The following NUP98 variants were observed in gnomAD, a reference collection of about 807,000 sequenced individuals.
The protein encoded by NUP98 is nucleoporin 98 and 96 precursor.
In NUP98, 26 loss-of-function variants were observed where a neutral mutation model predicts 191.9. The ratio of observed to expected loss-of-function variants is 0.14; its 90% confidence interval spans 0.10 to 0.19. NUP98 has a LOEUF of 0.19. Ranked by LOEUF, NUP98 falls within the 10% of genes least tolerant of loss-of-function variation. NUP98 has a pLI of 1.00. For missense variants in NUP98, 1,941 were observed against 2,178.8 expected, an observed-to-expected ratio of 0.89 and a Z score of 2.17; for synonymous variants, 808 against 778.4, an observed-to-expected ratio of 1.04 and a Z score of -0.63.
At chr11:3,778,398 A>T (rs2081831756) in intron 4 of NUP98, among the ~76,000 whole-genome samples, 1 of 152,158 alleles carries the variant, frequency 6.6e-6, no homozygotes, top group Admixed American at 6.6e-5. Flanking sequence ...TCATCAACTA[A>T]AAACATCTGC....
In NUP98 at chr11:3,691,285, C is replaced by T. The variant is rs144653304; in HGVS notation, c.4454+62G>A. The stretch of plus-strand genomic sequence containing the variant: ...GACATATAAAAGGGAAAGGACGCAG[C>T]AAAGGACTCCCCTGGGGCTCATGGA... On this transcript the variant is annotated intron_variant, in intron 28 of 32. Coordinates refer to ENST00000324932, the MANE Select transcript of NUP98 (RefSeq NM_016320.5). The T allele has an allele frequency of 4.7e-4, 744 of 1,597,260 alleles. 6 individuals carry two copies. The African/African-American group carries it at 9.1e-3, about 20-fold the overall frequency.
chr11:3,742,699 CAA>C (rs35895691), intron 12 of NUP98, among the ~76,000 whole-genome samples: 1,978 of 82,916 alleles, frequency 0.024, 47 homozygotes, highest in African/African-American at 0.081. Context: ...ACTCTGTCTC[CAA>C]AAAAAAAAAA....
At chr11:3,764,748 T>G (rs2081282209) in intron 8 of NUP98, among the ~76,000 whole-genome samples, 1 of 152,164 alleles carries the variant, frequency 6.6e-6, no homozygotes, top group Non-Finnish European at 1.5e-5. Context: ...CCGGCTAATT[T>G]TTTGTATTTT....
At chr11:3,790,323 G>T (rs971822554) in intron 1 of NUP98, among the ~76,000 whole-genome samples, 1 of 152,144 alleles carries the variant, frequency 6.6e-6, no homozygotes, top group East Asian at 1.9e-4. Flanking sequence ...AAGCTGCTCT[G>T]GCTGAAGTGA....
In NUP98 at chr11:3,705,343, G is replaced by A. The variant is rs766794941; in HGVS notation, c.2939C>T (p.Ser980Leu). 3.7e-6 allele frequency: 6 copies of A among 1,614,070 alleles called. No homozygotes were observed. The highest frequency in any genetic ancestry group is 5.1e-6 in the Non-Finnish European group (6 of 1,179,966). Reference protein sequence around the residue: ...NPHVLQIMKASLLTDEEDVDM... With the variant: ...NPHVLQIMKALLLTDEEDVDM... ...TACATCTTCTTCATCAGTAAGCAAT[G>A]ATGCTTTCATGATCTAAAAAGGCAA... The change falls in exon 22 of 33, where the codon TCA (serine) becomes TTA (leucine). Residue 980 changes from serine (S) to leucine (L), a missense_variant. Transcript: ENST00000324932.
rs1337559114 is a variant in NUP98 at position 3,753,308 on chromosome 11, T to C, written c.1267+8A>G. ...CACTTCCTAGATCTCATGGTAGCAG[T>C]TTCTTACCTGTTCCAAATCCTGCAC... On this transcript the variant is annotated splice_region_variant and intron_variant, in intron 11 of 32. Transcript: ENST00000324932. The C allele has an allele frequency of 1.2e-6, 2 of 1,610,946 alleles. No homozygotes were observed. The highest frequency in any genetic ancestry group is 2.7e-5 in the African/African-American group (2 of 74,964).
intron 20 of NUP98, chr11:3,711,923 G>GT: frequency 9.6e-7 from 1 of 1,039,710 alleles, no homozygotes; most frequent in Non-Finnish European, 1.2e-6. Flanking sequence ...CAAAGGTCTA[G>GT]CTTTCAGCAG....
At chr11:3,781,769 T>C (rs749441704) in intron 2 of NUP98, among the ~76,000 whole-genome samples, 3 of 152,090 alleles carry the variant, frequency 2.0e-5, no homozygotes, top group Non-Finnish European at 2.9e-5. Context: ...GTCTGAAAAT[T>C]AGTAACAAAT....
At chr11:3,775,253 G>C (rs566002909) in intron 5 of NUP98, among the ~76,000 whole-genome samples, 19 of 152,198 alleles carry the variant, frequency 1.2e-4, no homozygotes, top group African/African-American at 4.6e-4. Flanking sequence ...GACCAGGCCG[G>C]GCATGGTGGC....
At chr11:3,729,581 G>A (rs1171152613) in intron 14 of NUP98, among the ~76,000 whole-genome samples, 1 of 148,530 alleles carries the variant, frequency 6.7e-6, no homozygotes, top group African/African-American at 2.5e-5. Context: ...ACTGGGCATG[G>A]TGGTGTGGGC....
Position 3,723,431 on chromosome 11 carries a change from A to G in NUP98, c.1872T>C (p.Val624=), listed in dbSNP as rs752216097. 1 of 1,614,056 alleles carries G rather than the reference A, an allele frequency of 6.2e-7. No homozygotes were observed. Among genetic ancestry groups the G allele is most frequent in the Admixed American group, 1.7e-5 (1 of 60,000 alleles). ...GERFSFLSKP[V]DENHQQDGDE... is the part of the protein sequence containing the mutation. ...CTCCATCCTGCTGGTGATTCTCATC[A>G]ACAGGTTTGCTTAGGAAACTAAATC... Residue 624 remains valine, a synonymous_variant, in exon 16 of 33, where the codon GTT becomes GTC. Coordinates refer to ENST00000324932, the MANE Select transcript of NUP98 (RefSeq NM_016320.5).
rs746909084 is a variant in NUP98, at chr11:3,675,682, A to C, written c.*477T>G. The C allele has an allele frequency of 2.5e-5, 6 of 242,946 alleles. No homozygotes were observed. The highest frequency in any genetic ancestry group is 6.6e-5 in the African/African-American group (3 of 45,356). The allele number at this position is 242,946 out of a possible 1,614,324, so 15.0% of individuals were successfully genotyped here. A position where few individuals can be genotyped will look rare whatever the true frequency, so the allele number is the denominator to read the frequency against. ...TCCAAAATTCAGTGTTAACTAACCA[A>C]TTACTTAAGAGACGGATCCCTCTTC... On this transcript the variant is annotated 3_prime_UTR_variant, in exon 33 of 33. Coordinates refer to ENST00000324932, the MANE Select transcript of NUP98 (RefSeq NM_016320.5).
intron 7 of NUP98, among the ~76,000 whole-genome samples, chr11:3,770,742 T>G (rs1285152630): frequency 1.3e-5 from 2 of 152,174 alleles, no homozygotes; most frequent in Non-Finnish European, 2.9e-5. Flanking sequence ...TTTGCAAAAG[T>G]AGTATTTTTG....
At chr11:3,791,137 C>T (rs1198841729) in intron 1 of NUP98, among the ~76,000 whole-genome samples, 6 of 151,962 alleles carry the variant, frequency 3.9e-5, no homozygotes, top group South Asian at 4.1e-4. Context: ...CCTTGTGATC[C>T]GCCCCCCTCA....
rs1282759453 is a variant in NUP98, at chr11:3,675,038, ATTTTT to A, written c.*1116_*1120del. On this transcript the variant is annotated 3_prime_UTR_variant, in exon 33 of 33. Transcript: ENST00000324932. ...CAGGAATGCTATAAACATTTTATTT[ATTTTT>A]TAAGAAAGTAGCTTCAGAAAAAGAG... The A allele has an allele frequency of 5.8e-6, 1 of 172,732 alleles. No individual in the cohort carries two copies. The highest frequency in any genetic ancestry group is 2.4e-5 in the African/African-American group (1 of 42,078). The allele number at this position is 172,732 out of a possible 1,614,324, so 10.7% of individuals were successfully genotyped here. A position where few individuals can be genotyped will look rare whatever the true frequency, so the allele number is the denominator to read the frequency against.
At chr11:3,718,005 C>A (rs2134197953) in intron 18 of NUP98, among the ~76,000 whole-genome samples, 1 of 152,176 alleles carries the variant, frequency 6.6e-6, no homozygotes, top group Non-Finnish European at 1.5e-5. Flanking sequence ...ACTTTTTCAT[C>A]AATATACTCA....
chr11:3,716,342 T>C (rs2079180669), intron 18 of NUP98, among the ~76,000 whole-genome samples: 1 of 152,156 alleles, frequency 6.6e-6, no homozygotes. Flanking sequence ...CAAATAATTT[T>C]TTTTTTTTTT....
Position 3,676,275 on chromosome 11 carries a change from A to G in NUP98, c.5287T>C (p.Leu1763=). The change falls in exon 33 of 33, where the codon TTG becomes CTG. Residue 1763 remains leucine (L), a synonymous_variant. Transcript: ENST00000324932. The part of the protein sequence containing the change: ...DSTPDPQRVP[L]RLLAPHIGRL... ...CCAATGTGGGGAGCCAAGAGGCGCA[A>G]AGGGACTCGCTGAGGGTCTGGTGTT... 1.2e-6 allele frequency: 2 copies of G among 1,614,146 alleles called. No homozygotes were observed. The highest frequency in any genetic ancestry group is 1.7e-5 in the Admixed American group (1 of 60,010).
At chr11:3,745,450 T>C (rs1024089698) in intron 11 of NUP98, among the ~76,000 whole-genome samples, 2 of 152,210 alleles carry the variant, frequency 1.3e-5, no homozygotes, top group Non-Finnish European at 2.9e-5. Context: ...AAACCCATTG[T>C]AGAAACTGGT....
Sources: gnomAD v4.1 joint callset for allele counts (sites outside exome capture counted in the v4.1 genomes callset) on GRCh38, gnomAD v4.1.1 for gene constraint, MANE v1.5 for transcripts, NCBI Gene and HGNC (gene_info 2026-07-23, HGNC 2026-07-21) for gene names.